The following WNT5B variants were observed in gnomAD, a reference collection of about 807,000 sequenced individuals.
WNT5B encodes the protein protein Wnt-5b.
Under a neutral mutation model 36.5 loss-of-function variants are expected in WNT5B, and 18 were observed. The observed-to-expected ratio is 0.49, with a 90% CI of 0.34 to 0.73. The LOEUF (loss-of-function observed/expected upper bound fraction) is 0.73, where lower values mean the gene tolerates loss of function less well. Ranked by LOEUF, WNT5B falls within the 30% of genes least tolerant of loss-of-function variation. The pLI, the probability that WNT5B is intolerant of heterozygous loss-of-function variation, is 0.01. For synonymous variants in WNT5B, 213 were observed against 212.3 expected, an observed-to-expected ratio of 1.00 and a Z score of -0.03; for missense variants, 424 against 508.4, an observed-to-expected ratio of 0.83 and a Z score of 1.60.
Position 1,630,253 on chromosome 12 carries a change from G to C in WNT5B, c.-58+882G>C. On this transcript the variant is annotated intron_variant, in intron 1 of 4. Transcript: ENST00000397196. The surrounding 1 kb of genome is among the most constrained non-coding windows in gnomAD (Gnocchi z 5.3). Reference sequence around the variant, plus strand: ...TCCGGGGCCCCGGGGAGGCCGCTGGGGGCGCGGGTCACGCCCAGACGGGGG... The same window carrying C: ...TCCGGGGCCCCGGGGAGGCCGCTGGCGGCGCGGGTCACGCCCAGACGGGGG... The C allele has an allele frequency of 1.0e-6, 1 of 985,118 alleles. No individual in the cohort carries two copies. Among genetic ancestry groups the C allele is most frequent in the Non-Finnish European group, 1.2e-6 (1 of 829,666 alleles). 61.0% of individuals were successfully genotyped at this position (985,118 alleles called of 1,614,324 possible).
At chr12:1,625,958 C>A (rs1403897677), upstream of WNT5B, among the ~76,000 whole-genome samples, 1 of 151,012 alleles carries the variant, frequency 6.6e-6, no homozygotes, top group Non-Finnish European at 1.5e-5. Flanking sequence ...CCACCGCACC[C>A]TGCCTGTTTT....
In WNT5B at chr12:1,639,137, GT is replaced by G. The variant is rs572997048; in HGVS notation, c.329-538del. On this transcript the variant is annotated intron_variant, in intron 3 of 4. Transcript: ENST00000397196. Reference sequence around the variant, plus strand: ...GGACCGGAGGGACTTGTTTTTTTGTGTTTTTTTTTCTTTTTTTTGAGACAGA... The same window carrying G: ...GGACCGGAGGGACTTGTTTTTTTGTGTTTTTTTTCTTTTTTTTGAGACAGA... 2.1e-4 allele frequency among the ~76,000 whole-genome samples: 32 copies of G among 150,370 alleles called. 1 individual carries two copies. The highest frequency in any genetic ancestry group is 3.9e-4 in the East Asian group (2 of 5,098).
chr12:1,628,321 A>G (rs967984566), upstream of WNT5B, among the ~76,000 whole-genome samples: 3 of 151,986 alleles, frequency 2.0e-5, no homozygotes, highest in Admixed American at 1.3e-4. Flanking sequence ...ACATCTGGCT[A>G]ATTTTTATAC....
chr12:1,626,538 C>T (rs2094541364), upstream of WNT5B, among the ~76,000 whole-genome samples: 1 of 151,154 alleles, frequency 6.6e-6, no homozygotes, highest in South Asian at 2.1e-4. Flanking sequence ...GCTGGGATTA[C>T]AGGCGTGAGC....
At chr12:1,639,650 C>T (rs1329587908) in intron 3 of WNT5B, 34 bp from the exon 4 acceptor site, 31 of 1,467,984 alleles carry the variant, frequency 2.1e-5, no homozygotes, top group Non-Finnish European at 2.2e-5. Flanking sequence ...GAGAGGAGAG[C>T]GCACCCGCTT....
In WNT5B at chr12:1,629,394, A is replaced by T. The variant is rs559243971; in HGVS notation, c.-58+23A>T. The T allele has an allele frequency of 2.0e-5, 3 of 152,776 alleles. No individual in the cohort carries two copies. In the East Asian group the frequency reaches 5.8e-4, roughly 29 times the overall value. 9.5% of individuals were successfully genotyped at this position (152,776 alleles called of 1,614,324 possible). A position where few individuals can be genotyped will look rare whatever the true frequency, so the allele number is the denominator to read the frequency against. On this transcript the variant is annotated intron_variant, in intron 1 of 4. Coordinates refer to ENST00000397196, the MANE Select transcript of WNT5B (RefSeq NM_032642.3). ...GAGGTGAGAGGCACTGGTGTGAGGG[A>T]CAAGTGTCACAGGCGGGGAGGAAGA...
chr12:1,626,267 ATT>A (rs201099839), upstream of WNT5B, among the ~76,000 whole-genome samples: 9 of 142,574 alleles, frequency 6.3e-5, no homozygotes, highest in Admixed American at 1.4e-4. Context: ...CCACAAGTGT[ATT>A]TTTTTTTTTT....
chr12:1,645,122 T>G (rs2094582894), intron 4 of WNT5B: 1 of 152,250 alleles, frequency 6.6e-6, no homozygotes, highest in South Asian at 2.1e-4. Flanking sequence ...GGGAGAGTTT[T>G]GGGCTAACCA....
intron 4 of WNT5B, among the ~76,000 whole-genome samples, chr12:1,643,400 T>C (rs2094578971): frequency 6.6e-6 from 1 of 152,158 alleles, no homozygotes; most frequent in Non-Finnish European, 1.5e-5. Context: ...GTTTCGCTCT[T>C]GTTGCCCAGG....
rs114103382 is a variant in WNT5B, at chr12:1,630,890, T to C, written c.-57-408T>C. On this transcript the variant is annotated intron_variant, in intron 1 of 4. Coordinates refer to ENST00000397196, the MANE Select transcript of WNT5B (RefSeq NM_032642.3). The surrounding 1 kb of genome is among the most constrained non-coding windows in gnomAD (Gnocchi z 5.3). ...TAAGTCTCTGGGCTGGAATGAGAGG[T>C]AGGCACGTGGGGGAGTGGATAGGAT... The C allele has an allele frequency of 0.012, 1,802 of 153,802 alleles. 37 individuals carry two copies. Among genetic ancestry groups the C allele is most frequent in the African/African-American group, 0.039 (1,629 of 41,512 alleles). The allele number at this position is 153,802 out of a possible 1,614,324, so 9.5% of individuals were successfully genotyped here. A position where few individuals can be genotyped will look rare whatever the true frequency, so the allele number is the denominator to read the frequency against.
chr12:1,643,200 G>A (rs2094578631), intron 4 of WNT5B, among the ~76,000 whole-genome samples: 1 of 152,058 alleles, frequency 6.6e-6, no homozygotes, highest in Non-Finnish European at 1.5e-5. Flanking sequence ...AACACCAGTG[G>A]CTGATGGTGT....
At chr12:1,624,668 T>C (rs1338233594), upstream of WNT5B, among the ~76,000 whole-genome samples, 1 of 152,186 alleles carries the variant, frequency 6.6e-6, no homozygotes, top group African/African-American at 2.4e-5. Context: ...CTAGCTATTG[T>C]CACTGGTTAT....
At chr12:1,617,813 A>G (rs182985098) in intron 1 of WNT5B, among the ~76,000 whole-genome samples, 370 of 152,218 alleles carry the variant, frequency 2.4e-3, no homozygotes, top group Non-Finnish European at 4.1e-3. Context: ...CAAGACATTC[A>G]TATTCCAAAG....
chr12:1,639,238 C>G (rs12300239), intron 3 of WNT5B, among the ~76,000 whole-genome samples: 1 of 150,384 alleles, frequency 6.6e-6, no homozygotes, highest in Non-Finnish European at 1.5e-5. Flanking sequence ...CCCGGGTTCA[C>G]GCCATTCTCC....
Position 1,639,793 on chromosome 12 carries a change from G to A in WNT5B, c.438G>A (p.Thr146=), listed in dbSNP as rs930600625. The A allele has an allele frequency of 9.9e-6, 16 of 1,611,770 alleles. No homozygotes were observed. The highest frequency in any genetic ancestry group is 5.0e-5 in the Admixed American group (3 of 59,592). ...TCTCCACCTGCGGCTGCAGCCGGAC[G>A]GCGCGGCCCAAGGACCTGCCCCGGG... is the stretch of plus-strand genomic sequence containing the variant. ...GELSTCGCSR[T]ARPKDLPRDW... Residue 146 remains threonine (T), a synonymous_variant, in exon 4 of 5, where the codon ACG becomes ACA. Transcript: ENST00000397196.
In WNT5B at chr12:1,630,255, G is replaced by A; in HGVS notation, c.-58+884G>A. 1.0e-6 allele frequency: 1 copy of A among 984,934 alleles called. No homozygotes were observed. The highest frequency in any genetic ancestry group is 1.2e-6 in the Non-Finnish European group (1 of 829,494). The allele number at this position is 984,934 out of a possible 1,614,324, so 61.0% of individuals were successfully genotyped here. On this transcript the variant is annotated intron_variant, in intron 1 of 4. Coordinates refer to ENST00000397196, the MANE Select transcript of WNT5B (RefSeq NM_032642.3). This position sits in a 1 kb window ranked among gnomAD's most constrained non-coding sequence, Gnocchi z 5.3. Reference sequence around the variant, plus strand: ...CGGGGCCCCGGGGAGGCCGCTGGGGGCGCGGGTCACGCCCAGACGGGGGCC... The same window carrying A: ...CGGGGCCCCGGGGAGGCCGCTGGGGACGCGGGTCACGCCCAGACGGGGGCC...
rs200664150 is a variant in WNT5B, at chr12:1,639,834, G to A, written c.479G>A (p.Gly160Asp). Residue 160 changes from glycine to aspartate, a missense_variant, in exon 4 of 5, where the codon GGC becomes GAC. Physicochemically the swap from Gly to Asp is moderately conservative, Grantham distance 94. Coordinates refer to ENST00000397196, the MANE Select transcript of WNT5B (RefSeq NM_032642.3). ...KDLPRDWLWG[G>D]CGDNVEYGYR... ...CTGCCCCGGGACTGGCTGTGGGGCG[G>A]CTGTGGGGACAACGTGGAGTACGGC... 2 of 1,613,840 alleles carry A rather than the reference G, an allele frequency of 1.2e-6. No individual in the cohort carries two copies. Among genetic ancestry groups the A allele is most frequent in the East Asian group, 4.5e-5 (2 of 44,864 alleles).
intron 4 of WNT5B, among the ~76,000 whole-genome samples, chr12:1,641,043 G>C (rs910084566): frequency 6.6e-6 from 1 of 152,192 alleles, no homozygotes; most frequent in African/African-American, 2.4e-5. Context: ...AAGCCAGCTG[G>C]CTCTGGTTCC....
chr12:1,630,047 G>T lies in WNT5B; in HGVS notation c.-58+676G>T. 4.6e-6 allele frequency: 4 copies of T among 867,238 alleles called. No individual in the cohort carries two copies. Among genetic ancestry groups the T allele is most frequent in the Non-Finnish European group, 5.5e-6 (4 of 721,626 alleles). 53.7% of individuals were successfully genotyped at this position (867,238 alleles called of 1,614,324 possible). On this transcript the variant is annotated intron_variant, in intron 1 of 4. Coordinates refer to ENST00000397196, the MANE Select transcript of WNT5B (RefSeq NM_032642.3). The surrounding 1 kb of genome is among the most constrained non-coding windows in gnomAD (Gnocchi z 5.3). The stretch of plus-strand genomic sequence containing the variant: ...AAATCAAAAGGGGGCTTGGGGAAGG[G>T]CTGTGTCCCAGCTCTCCTGGACCCT...
Sources: allele counts gnomAD v4.1 joint callset (sites outside exome capture counted in the v4.1 genomes callset), GRCh38; gene constraint gnomAD v4.1.1; non-coding constraint Gnocchi (gnomAD v3.1); transcripts MANE v1.5; gene names NCBI Gene and HGNC (gene_info 2026-07-23, HGNC 2026-07-21).